The following NRXN3 variants were observed in gnomAD, a reference collection of about 807,000 sequenced individuals.
NRXN3 encodes neurexin 3.
In NRXN3, 32 loss-of-function variants were observed where a neutral mutation model predicts 137.6. The ratio of observed to expected loss-of-function variants is 0.23; its 90% confidence interval spans 0.18 to 0.31. The LOEUF (loss-of-function observed/expected upper bound fraction) is 0.31. NRXN3 is among the 10% of genes least tolerant of loss of function. The pLI is 1.00. For synonymous variants in NRXN3, 798 were observed against 784.5 expected, an observed-to-expected ratio of 1.02 and a Z score of -0.29; for missense variants, 1,574 against 2,062.5, an observed-to-expected ratio of 0.76 and a Z score of 4.59.
chr14:79,137,107 T>C (rs886212358), intron 15 of NRXN3, among the ~76,000 whole-genome samples: 10 of 152,230 alleles, frequency 6.6e-5, no homozygotes, highest in African/African-American at 1.9e-4. Flanking sequence ...TTTGTTTCTA[T>C]ATGTCCTGGA....
chr14:79,435,742 C>T (rs1409488728), intron 15 of NRXN3, among the ~76,000 whole-genome samples: 1 of 152,074 alleles, frequency 6.6e-6, no homozygotes, highest in Non-Finnish European at 1.5e-5. Flanking sequence ...TCAGGCTATC[C>T]TCCTGCCACA....
At chr14:79,316,645 G>A (rs543777964) in intron 15 of NRXN3, among the ~76,000 whole-genome samples, 1 of 151,706 alleles carries the variant, frequency 6.6e-6, no homozygotes, top group Admixed American at 6.6e-5. Context: ...CCTGCATATT[G>A]ATAATTTTAC....
intron 16 of NRXN3, among the ~76,000 whole-genome samples, chr14:79,604,236 T>G (rs1380791397): frequency 2.6e-5 from 4 of 151,880 alleles, no homozygotes; most frequent in African/African-American, 7.3e-5. Flanking sequence ...GTTTTTTGTT[T>G]CTTTGTTTGT....
intron 10 of NRXN3, among the ~76,000 whole-genome samples, chr14:78,876,908 A>G (rs2099115246): frequency 6.6e-6 from 1 of 152,196 alleles, no homozygotes; most frequent in African/African-American, 2.4e-5. Flanking sequence ...GCTATATTGT[A>G]AAAAACCATA....
intron 4 of NRXN3, among the ~76,000 whole-genome samples, chr14:78,390,679 G>T (rs562991535): frequency 6.6e-6 from 1 of 152,054 alleles, no homozygotes; most frequent in Admixed American, 6.5e-5. Flanking sequence ...TTTTTGTAGG[G>T]GGTACCAATA....
chr14:79,538,024 G>A (rs949629419), intron 16 of NRXN3, among the ~76,000 whole-genome samples: 2 of 152,228 alleles, frequency 1.3e-5, no homozygotes, highest in Middle Eastern at 3.4e-3. Flanking sequence ...GTTTTGATTT[G>A]CATTTCTCTG....
chr14:78,597,378 T>C (rs1411563316), intron 4 of NRXN3, among the ~76,000 whole-genome samples: 2 of 152,236 alleles, frequency 1.3e-5, no homozygotes, highest in Non-Finnish European at 2.9e-5. Context: ...AGTAATATTG[T>C]CTTAAATTTA....
At position 79,036,290 on chromosome 14, in the gene NRXN3, C is replaced by T. The variant is rs538528544; in HGVS notation, c.3262+48149C>T. Among the ~76,000 whole-genome samples, 9 of 152,010 alleles carry T rather than the reference C, an allele frequency of 5.9e-5. No individual in the cohort carries two copies. The East Asian group carries it at 1.7e-3, about 29-fold the overall frequency. ...TTTAAAGTAACACCATGACTGATTGCCTTAAATTTATATATGATCTTGTTC... is the reference window on the plus strand; with the variant it reads ...TTTAAAGTAACACCATGACTGATTGTCTTAAATTTATATATGATCTTGTTC... On this transcript the variant is annotated intron_variant, in intron 15 of 20. Transcript: ENST00000335750.
chr14:79,612,111 A>G (rs373598335), intron 16 of NRXN3, among the ~76,000 whole-genome samples: 1 of 152,224 alleles, frequency 6.6e-6, no homozygotes. Context: ...ACATAAATCA[A>G]TGCTAATGTC....
intron 17 of NRXN3, among the ~76,000 whole-genome samples, chr14:79,673,282 C>T (rs2098621368): frequency 2.0e-5 from 3 of 152,138 alleles, no homozygotes; most frequent in South Asian, 4.2e-4. Flanking sequence ...CTTTTCCACA[C>T]GGTACTTTTA....
chr14:79,290,582 G>A (rs1406857425), intron 15 of NRXN3, among the ~76,000 whole-genome samples: 2 of 149,512 alleles, frequency 1.3e-5, no homozygotes, highest in South Asian at 2.1e-4. Context: ...AAATGCATAA[G>A]CATAGCAGAC....
intron 15 of NRXN3, among the ~76,000 whole-genome samples, chr14:79,225,907 G>A (rs78491393): frequency 0.029 from 4,415 of 152,012 alleles, 156 homozygotes; most frequent in South Asian, 0.086. Context: ...CCTTTCTTCC[G>A]TCTTCAAAGC....
intron 4 of NRXN3, among the ~76,000 whole-genome samples, chr14:78,496,409 C>T (rs2095786324): frequency 1.3e-5 from 2 of 152,124 alleles, no homozygotes; most frequent in Admixed American, 1.3e-4. Flanking sequence ...ATTTGGAAGA[C>T]CACTTCTCTA....
chr14:79,131,826 A>G (rs2170045), intron 15 of NRXN3, among the ~76,000 whole-genome samples: 3,432 of 148,424 alleles, frequency 0.023, 132 homozygotes, highest in African/African-American at 0.081. Context: ...TAGCAATCAG[A>G]GAGACTCCGT....
intron 15 of NRXN3, among the ~76,000 whole-genome samples, chr14:79,357,271 G>A (rs1336324722): frequency 6.6e-6 from 1 of 152,084 alleles, no homozygotes; most frequent in East Asian, 1.9e-4. Flanking sequence ...CCAAGTAAAA[G>A]TAGTGAATTA....
At chr14:78,465,128 C>A (rs980600097) in intron 4 of NRXN3, among the ~76,000 whole-genome samples, 39 of 151,744 alleles carry the variant, frequency 2.6e-4, no homozygotes, top group African/African-American at 9.4e-4. Context: ...GTGTGTAAGA[C>A]AATTGAATGA....
In NRXN3 at chr14:78,243,346, G is replaced by C; in HGVS notation, c.253G>C (p.Val85Leu). The C allele has an allele frequency of 1.3e-6, 2 of 1,560,536 alleles. No individual in the cohort carries two copies. Among genetic ancestry groups the C allele is most frequent in the Non-Finnish European group, 1.7e-6 (2 of 1,160,538 alleles). The change falls in exon 2 of 21, where the codon GTT becomes CTT. Residue 85 changes from valine to leucine, a missense_variant. By Grantham distance (32) the Val-to-Leu change is conservative. Around this residue, in one of 5 missense-constraint regions of NRXN3, gnomAD observed 400 missense variants for 527.3 expected, o/e 0.76. Transcript: ENST00000335750. The surrounding 1 kb of genome is among the most constrained non-coding windows in gnomAD (Gnocchi z 4.2). ...ATGCCTCTCCCTGGTGGATGGCCGC[G>C]TTCAGCTCCGCTTCAGCATGGACTG... Reference protein sequence around the residue: ...FLCLSLVDGRVQLRFSMDCAE... With the variant: ...FLCLSLVDGRLQLRFSMDCAE...
At chr14:79,362,847 GC>G (rs2093734338) in intron 15 of NRXN3, among the ~76,000 whole-genome samples, 1 of 152,208 alleles carries the variant, frequency 6.6e-6, no homozygotes, top group African/African-American at 2.4e-5. Flanking sequence ...AATGGCATAT[GC>G]CGTTATTTTA....
chr14:79,768,521 C>G (rs1417495420), intron 19 of NRXN3, among the ~76,000 whole-genome samples: 1 of 152,160 alleles, frequency 6.6e-6, no homozygotes, highest in Non-Finnish European at 1.5e-5. Context: ...AGACTGACAC[C>G]TCACATGGCA....
Sources: gnomAD v4.1 joint callset for allele counts (sites outside exome capture counted in the v4.1 genomes callset) on GRCh38, gnomAD v4.1.1 for gene constraint, gnomAD v4.1.1 regional missense constraint, Gnocchi (gnomAD v3.1) non-coding constraint, MANE v1.5 for transcripts, NCBI Gene and HGNC (gene_info 2026-07-23, HGNC 2026-07-21) for gene names.